The following LRBA variants were observed in gnomAD, a reference collection of about 807,000 sequenced individuals.
LRBA encodes the protein LPS responsive beige-like anchor protein, also known as lipopolysaccharide-responsive and beige-like anchor protein.
Under a neutral mutation model 330.0 loss-of-function variants are expected in LRBA, and 176 were observed. The ratio of observed to expected loss-of-function variants is 0.53; its 90% CI spans 0.47 to 0.60. The LOEUF (loss-of-function observed/expected upper bound fraction) is 0.60, where lower values mean the gene tolerates loss of function less well. Among genes scored for constraint, LRBA ranks in the 20% least tolerant of loss-of-function variants. The pLI is 0.00. For missense variants in LRBA, 3,259 were observed against 3,444.8 expected (o/e 0.95, Z 1.35); for synonymous variants, 1,230 against 1,193.0 (o/e 1.03, Z -0.64).
intron 37 of LRBA, among the ~76,000 whole-genome samples, chr4:150,601,584 C>T (rs1774115814): frequency 6.6e-6 from 1 of 152,048 alleles, no homozygotes; most frequent in Non-Finnish European, 1.5e-5. Context: ...AACACCAATG[C>T]ATCAGGGAAC....
intron 40 of LRBA, among the ~76,000 whole-genome samples, chr4:150,562,444 T>C (rs763481075): frequency 6.6e-6 from 1 of 152,190 alleles, no homozygotes; most frequent in Non-Finnish European, 1.5e-5. Context: ...ACTATGATAA[T>C]GGCAATGTAA....
chr4:150,841,484 G>A (rs554308055), intron 28 of LRBA, among the ~76,000 whole-genome samples: 1 of 152,206 alleles, frequency 6.6e-6, no homozygotes, highest in South Asian at 2.1e-4. Flanking sequence ...ACTTGAACAA[G>A]ATAAGGCTTA....
chr4:150,277,673 T>C (rs949705691), intron 56 of LRBA, among the ~76,000 whole-genome samples, 180 bp downstream of exon 56: 1 of 151,908 alleles, frequency 6.6e-6, no homozygotes, highest in African/African-American at 2.4e-5. Flanking sequence ...AAAAAAAATT[T>C]TTTTTTTCTG....
intron 45 of LRBA, 23 bp downstream of exon 45, chr4:150,436,701 T>C: frequency 6.3e-7 from 1 of 1,595,484 alleles, no homozygotes; most frequent in African/African-American, 1.3e-5. Context: ...TTAGCCATGG[T>C]GTATTATTCA....
chr4:150,368,111 C>T (rs1739733768), intron 47 of LRBA, among the ~76,000 whole-genome samples: 1 of 151,980 alleles, frequency 6.6e-6, no homozygotes, highest in Non-Finnish European at 1.5e-5. Context: ...GGGGTTAATC[C>T]TCATTCTCTC....
intron 19 of LRBA, among the ~76,000 whole-genome samples, 178 bp downstream of exon 19, chr4:150,871,167 C>T (rs1033096319): frequency 4.6e-5 from 7 of 152,190 alleles, no homozygotes; most frequent in South Asian, 2.1e-4. Flanking sequence ...CACTTGAACC[C>T]GGGAGGTGGA....
chr4:150,288,560 G>A (rs1223165893), intron 53 of LRBA, among the ~76,000 whole-genome samples: 2 of 152,130 alleles, frequency 1.3e-5, no homozygotes, highest in African/African-American at 4.8e-5. Context: ...CTGCACTCTA[G>A]CCTGGGCAAC....
At chr4:150,686,847 T>C (rs1783668451) in intron 36 of LRBA, among the ~76,000 whole-genome samples, 1 of 152,110 alleles carries the variant, frequency 6.6e-6, no homozygotes, top group Non-Finnish European at 1.5e-5. Flanking sequence ...TAAAATCAAA[T>C]TATATTTTGT....
At chr4:150,924,299 C>A (rs1386613624) in intron 4 of LRBA, among the ~76,000 whole-genome samples, 1 of 152,012 alleles carries the variant, frequency 6.6e-6, no homozygotes, top group African/African-American at 2.4e-5. Context: ...ATCGCTTGAG[C>A]CTAGGGGTTT....
At chr4:150,450,492 CAT>C (rs1292079893) in intron 44 of LRBA, among the ~76,000 whole-genome samples, 1 of 152,142 alleles carries the variant, frequency 6.6e-6, no homozygotes, top group African/African-American at 2.4e-5. Flanking sequence ...CTTCCATCGT[CAT>C]ATAGTGTTCT....
At chr4:150,493,085 A>T (rs1014643458) in intron 40 of LRBA, among the ~76,000 whole-genome samples, 1 of 152,094 alleles carries the variant, frequency 6.6e-6, no homozygotes, top group African/African-American at 2.4e-5. Context: ...GGCTCACATG[A>T]TCCTCCCATC....
At chr4:150,928,388 G>A (rs1379948796) in intron 4 of LRBA, 128 bp downstream of exon 4, 4 of 616,446 alleles carry the variant, frequency 6.5e-6, no homozygotes, top group East Asian at 5.6e-5. Flanking sequence ...GGATCTCAAT[G>A]CTATTTTAAT....
intron 37 of LRBA, among the ~76,000 whole-genome samples, chr4:150,634,565 C>T (rs1260883928): frequency 2.0e-5 from 3 of 152,274 alleles, no homozygotes; most frequent in East Asian, 1.9e-4. Context: ...CAATTCATGA[C>T]GTCCATTTGA....
chr4:150,360,376 C>T (rs1375833587), intron 47 of LRBA, among the ~76,000 whole-genome samples: 1 of 150,242 alleles, frequency 6.7e-6, no homozygotes, highest in African/African-American at 2.4e-5. Flanking sequence ...CAAGAATATA[C>T]AAAATATCAT....
At chr4:150,373,124 CGTGTGTGTGTGTGTGTGTGTGTGT>C (rs70937397) in intron 47 of LRBA, among the ~76,000 whole-genome samples, 5 of 96,318 alleles carry the variant, frequency 5.2e-5, no homozygotes, top group East Asian at 3.2e-4. Flanking sequence ...ACTACAATCT[CGTGTGTGTGTGTGTGTGTGTGTGT>C]GTGTGTGTGT....
intron 34 of LRBA, among the ~76,000 whole-genome samples, chr4:150,776,932 A>G (rs962955362): frequency 3.3e-5 from 5 of 152,240 alleles, no homozygotes; most frequent in Non-Finnish European, 7.3e-5. Flanking sequence ...ATCCAAGATT[A>G]TTCTTGAAAA....
intron 41 of LRBA, among the ~76,000 whole-genome samples, chr4:150,489,161 A>AATATATCAGAAT (rs1352370244): frequency 1.7e-4 from 21 of 122,368 alleles, no homozygotes; most frequent in Admixed American, 4.6e-4. Context: ...CAGAATATAT[A>AATATATCAGAAT]ATATATTATA....
chr4:150,855,722 T>C (rs1273794402), intron 22 of LRBA, among the ~76,000 whole-genome samples: 1 of 152,174 alleles, frequency 6.6e-6, no homozygotes, highest in Non-Finnish European at 1.5e-5. Flanking sequence ...TTATAAATAG[T>C]TTTACCTGGA....
chr4:150,280,079 T>C (rs867702289), intron 55 of LRBA, among the ~76,000 whole-genome samples: 14 of 152,310 alleles, frequency 9.2e-5, no homozygotes, highest in Middle Eastern at 6.8e-3. Flanking sequence ...GTCATCAGCA[T>C]TCAAAACATT....
Sources: gnomAD v4.1 joint callset for allele counts (sites outside exome capture counted in the v4.1 genomes callset) on GRCh38, gnomAD v4.1.1 for gene constraint, MANE v1.5 for transcripts, NCBI Gene and HGNC (gene_info 2026-07-23, HGNC 2026-07-21) for gene names.